The following RNF216 variants were observed in gnomAD, a reference collection of about 807,000 sequenced individuals.
The protein encoded by RNF216 is E3 ubiquitin-protein ligase RNF216.
In RNF216, 72 loss-of-function variants were observed where a neutral mutation model predicts 110.8. The ratio of observed to expected loss-of-function variants is 0.65; its 90% CI spans 0.54 to 0.79. The LOEUF (loss-of-function observed/expected upper bound fraction) is 0.79, where lower values mean the gene tolerates loss of function less well. Among genes scored for constraint, RNF216 ranks in the 30% least tolerant of loss-of-function variants. The pLI, the probability that RNF216 is intolerant of heterozygous loss-of-function variation, is 0.00. For missense variants in RNF216, 1,342 were observed against 1,141.2 expected (o/e 1.18, Z -2.54); for synonymous variants, 495 against 407.5 (o/e 1.21, Z -2.59).
At chr7:5,729,659 C>A in intron 6 of RNF216, 63 bp from the exon 7 acceptor site, 2 of 1,327,642 alleles carry the variant, frequency 1.5e-6, no homozygotes, top group South Asian at 1.2e-5. Context: ...CAGGGGAAAT[C>A]ATTTTAAGAA....
chr7:5,689,004 G>A (rs1204565452), intron 13 of RNF216, among the ~76,000 whole-genome samples: 2 of 152,184 alleles, frequency 1.3e-5, no homozygotes, highest in Non-Finnish European at 2.9e-5. Context: ...AAGTGGATCT[G>A]AGAAGCCTGG....
intron 14 of RNF216, among the ~76,000 whole-genome samples, chr7:5,650,222 T>C (rs1021273282): frequency 1.3e-5 from 2 of 152,316 alleles, no homozygotes; most frequent in African/African-American, 4.8e-5. Flanking sequence ...GAGGCTGTTT[T>C]TGATTTTTGG....
chr7:5,643,715 C>T lies in RNF216; in HGVS notation c.2160-2339G>A, dbSNP rs192097486. The stretch of plus-strand genomic sequence containing the variant: ...AAATTGACTTTTTAAACCACTCTAA[C>T]GTATACAATTCAGGGATATTTTGAG... On this transcript the variant is annotated intron_variant, in intron 14 of 16. Transcript: ENST00000389902. Among the ~76,000 whole-genome samples, 14 of 152,296 alleles carry T rather than the reference C, an allele frequency of 9.2e-5. No individual in the cohort carries two copies. The East Asian group carries it at 2.3e-3, about 25-fold the overall frequency.
At chr7:5,735,542 A>C (rs914537749) in intron 5 of RNF216, among the ~76,000 whole-genome samples, 1 of 150,730 alleles carries the variant, frequency 6.6e-6, no homozygotes, top group Non-Finnish European at 1.5e-5. Flanking sequence ...GTAACACGGT[A>C]GATGAGTTAA....
At chr7:5,637,703 A>G (rs551284342) in intron 15 of RNF216, among the ~76,000 whole-genome samples, 23 of 152,196 alleles carry the variant, frequency 1.5e-4, no homozygotes, top group African/African-American at 5.5e-4. Context: ...CCACCCCTGG[A>G]TAACTTTGGG....
chr7:5,633,393 C>T (rs141793467), intron 15 of RNF216, among the ~76,000 whole-genome samples: 6,344 of 151,902 alleles, frequency 0.042, 178 homozygotes, highest in East Asian at 0.093. Flanking sequence ...CTGATCAACA[C>T]GGTGAAACCC....
At chr7:5,678,069 C>T (rs1790418576) in intron 13 of RNF216, among the ~76,000 whole-genome samples, 1 of 152,098 alleles carries the variant, frequency 6.6e-6, no homozygotes, top group African/African-American at 2.4e-5. Context: ...GAGGTTTCCT[C>T]CCAGTTCAGA....
chr7:5,709,466 A>G (rs927712158), intron 13 of RNF216, among the ~76,000 whole-genome samples: 3 of 152,168 alleles, frequency 2.0e-5, no homozygotes, highest in South Asian at 4.1e-4. Context: ...TGGGAAAAAG[A>G]GGGTCTGGAG....
At chr7:5,669,932 T>TC (rs1482471161) in intron 13 of RNF216, among the ~76,000 whole-genome samples, 1 of 140,874 alleles carries the variant, frequency 7.1e-6, no homozygotes, top group Non-Finnish European at 1.6e-5. Flanking sequence ...TTGGAAATCC[T>TC]TTTTTTTTTT....
At chr7:5,753,661 C>CTAGT (rs901954997) in intron 2 of RNF216, among the ~76,000 whole-genome samples, 46 of 152,062 alleles carry the variant, frequency 3.0e-4, no homozygotes, top group African/African-American at 1.1e-3. Flanking sequence ...TTTTTCCTGT[C>CTAGT]TAGTTCCATG....
chr7:5,728,610 T>C (rs1793904578), intron 7 of RNF216, among the ~76,000 whole-genome samples: 1 of 150,236 alleles, frequency 6.7e-6, no homozygotes, highest in Admixed American at 6.6e-5. Flanking sequence ...AAAGAAAAGG[T>C]GGAAGGGGCT....
intron 13 of RNF216, among the ~76,000 whole-genome samples, chr7:5,658,675 A>T (rs57302110): frequency 0.04 from 5,766 of 145,630 alleles, 157 homozygotes; most frequent in East Asian, 0.076. Flanking sequence ...AAAAAAAAAA[A>T]TTTTTTTAAC....
chr7:5,714,191 A>C (rs1333868947), intron 11 of RNF216, among the ~76,000 whole-genome samples: 44 of 151,870 alleles, frequency 2.9e-4, no homozygotes, highest in Non-Finnish European at 3.4e-4. Flanking sequence ...TCGAACTCCT[A>C]ATCTTGTGAT....
In RNF216 at chr7:5,741,207, T is replaced by A; in HGVS notation, c.810A>T (p.Pro270=). 1 of 1,614,000 alleles carries A rather than the reference T, an allele frequency of 6.2e-7. No homozygotes were observed. Among genetic ancestry groups the A allele is most frequent in the Non-Finnish European group, 8.5e-7 (1 of 1,179,982 alleles). ...LGRLLFQHEF[P]GPAFPRPEPQ... Reference sequence around the variant, plus strand: ...GTTCCGGCCTTGGAAAAGCGGGCCCTGGGAATTCATGCTGAAACAACAAGC... The same window carrying A: ...GTTCCGGCCTTGGAAAAGCGGGCCCAGGGAATTCATGCTGAAACAACAAGC... The change falls in exon 4 of 17, where the codon CCA becomes CCT. Residue 270 remains proline (P), a synonymous_variant. Coordinates refer to ENST00000389902, the MANE Select transcript of RNF216 (RefSeq NM_207111.4).
intron 13 of RNF216, among the ~76,000 whole-genome samples, chr7:5,671,632 G>T (rs144700087): frequency 0.011 from 1,672 of 152,088 alleles, 31 homozygotes; most frequent in African/African-American, 0.038. Flanking sequence ...GTGAAACACC[G>T]TCTCTACTAA....
intron 13 of RNF216, 120 bp downstream of exon 13, chr7:5,711,641 G>A: frequency 2.6e-6 from 2 of 778,882 alleles, no homozygotes; most frequent in Non-Finnish European, 4.3e-6. Context: ...TTATGAAAAG[G>A]AAAGCACTCA....
At chr7:5,762,819 A>G (rs1296908023) in intron 1 of RNF216, among the ~76,000 whole-genome samples, 1 of 152,260 alleles carries the variant, frequency 6.6e-6, no homozygotes, top group South Asian at 2.1e-4. Flanking sequence ...TGAGTTACAT[A>G]TAACATCTTT....
At chr7:5,638,294 T>C (rs1584353978) in intron 15 of RNF216, among the ~76,000 whole-genome samples, 1 of 152,232 alleles carries the variant, frequency 6.6e-6, no homozygotes, top group Non-Finnish European at 1.5e-5. Flanking sequence ...ATTTGACATA[T>C]CTCCTGTTTT....
chr7:5,719,191 G>C (rs1793255654), intron 9 of RNF216, among the ~76,000 whole-genome samples: 1 of 152,086 alleles, frequency 6.6e-6, no homozygotes, highest in South Asian at 2.1e-4. Context: ...GACCAGCCTG[G>C]ACAGCATGGG....
Sources: allele counts gnomAD v4.1 joint callset (sites outside exome capture counted in the v4.1 genomes callset), GRCh38; gene constraint gnomAD v4.1.1; transcripts MANE v1.5; gene names NCBI Gene and HGNC (gene_info 2026-07-23, HGNC 2026-07-21).